Variants in DENND1A observed in about 807,000 individuals in gnomAD.
DENND1A encodes DENN domain-containing protein 1A.
A neutral mutation model predicts 113.7 loss-of-function variants in DENND1A; 51 were observed. The ratio of observed to expected loss-of-function variants is 0.45; its 90% CI spans 0.36 to 0.57. The LOEUF (loss-of-function observed/expected upper bound fraction) is 0.57. Ranked by LOEUF, DENND1A falls within the 20% of genes least tolerant of loss-of-function variation. The pLI is 0.00. For synonymous variants in DENND1A, 565 were observed against 570.8 expected (o/e 0.99, Z 0.14); for missense variants, 1,258 against 1,395.9 (o/e 0.90, Z 1.57).
chr9:123,524,274 A>G (rs2054627273), intron 13 of DENND1A, among the ~76,000 whole-genome samples: 1 of 152,252 alleles, frequency 6.6e-6, no homozygotes, highest in Admixed American at 6.5e-5. Flanking sequence ...TTTGGATAAT[A>G]AACGAATCAT....
At chr9:123,903,392 C>T (rs1303381419) in intron 1 of DENND1A, among the ~76,000 whole-genome samples, 2 of 149,574 alleles carry the variant, frequency 1.3e-5, no homozygotes, top group Non-Finnish European at 2.9e-5. Flanking sequence ...ACAGGAACAG[C>T]CCCGGTATAC....
At chr9:123,820,531 C>G (rs1256894302) in intron 2 of DENND1A, among the ~76,000 whole-genome samples, 1 of 152,146 alleles carries the variant, frequency 6.6e-6, no homozygotes, top group Non-Finnish European at 1.5e-5. Context: ...GGCGAGCTCC[C>G]TGCTGAATGA....
At chr9:123,390,124 C>T (rs767608752) in intron 21 of DENND1A, among the ~76,000 whole-genome samples, 7 of 152,352 alleles carry the variant, frequency 4.6e-5, no homozygotes, top group Admixed American at 2.6e-4. Context: ...TGTGCCTCTT[C>T]GCACTTCATA....
At chr9:123,464,953 A>T (rs2048813382) in intron 13 of DENND1A, among the ~76,000 whole-genome samples, 1 of 139,170 alleles carries the variant, frequency 7.2e-6, no homozygotes. Flanking sequence ...GTTTGAGACC[A>T]GCCTGGCCAA....
Position 123,381,228 on chromosome 9 carries a change from A to T in DENND1A, c.*204T>A. ...GGATGGGCACTCAGGAACTGGGTTGATTCCCAGGCTGGAACTGGTGCCATT... is the reference window on the plus strand; with the variant it reads ...GGATGGGCACTCAGGAACTGGGTTGTTTCCCAGGCTGGAACTGGTGCCATT... On this transcript the variant is annotated 3_prime_UTR_variant, in exon 24 of 24. Transcript: ENST00000394215. This position sits in a 1 kb window ranked among gnomAD's most constrained non-coding sequence, Gnocchi z 4.7. 1.6e-6 allele frequency: 1 copy of T among 614,456 alleles called. No homozygotes were observed. Among genetic ancestry groups the T allele is most frequent in the East Asian group, 2.8e-5 (1 of 35,752 alleles). The allele number at this position is 614,456 out of a possible 1,614,324, so 38.1% of individuals were successfully genotyped here. A position where few individuals can be genotyped will look rare whatever the true frequency, so the allele number is the denominator to read the frequency against.
chr9:123,605,477 C>T (rs1326306322), intron 11 of DENND1A, among the ~76,000 whole-genome samples: 1 of 152,190 alleles, frequency 6.6e-6, no homozygotes, highest in Admixed American at 6.5e-5. Context: ...TTGGGATTTC[C>T]TAGCTGCCAG....
chr9:123,834,012 C>T lies in DENND1A; in HGVS notation c.89-41382G>A, dbSNP rs560945775. On this transcript the variant is annotated intron_variant, in intron 2 of 23. Transcript: ENST00000394215. Reference sequence around the variant, plus strand: ...CGGGGGTTGCAGGAAGCTGAGATCACGCCGCTGCACTCCAGCCTGGCGAAA... The same window carrying T: ...CGGGGGTTGCAGGAAGCTGAGATCATGCCGCTGCACTCCAGCCTGGCGAAA... Among the ~76,000 whole-genome samples, 18 of 152,244 alleles carry T rather than the reference C, an allele frequency of 1.2e-4. No individual in the cohort carries two copies. The East Asian group carries it at 1.5e-3, about 13-fold the overall frequency.
At chr9:123,612,462 C>G (rs2060461339) in intron 10 of DENND1A, among the ~76,000 whole-genome samples, 1 of 152,154 alleles carries the variant, frequency 6.6e-6, no homozygotes, top group South Asian at 2.1e-4. Flanking sequence ...ATTACTTTTT[C>G]TTTTGCATTC....
chr9:123,421,855 C>T (rs562965489), intron 19 of DENND1A, among the ~76,000 whole-genome samples: 2 of 152,318 alleles, frequency 1.3e-5, no homozygotes, highest in African/African-American at 4.8e-5. Context: ...CATCCCTGTC[C>T]CCAGCATGCC....
chr9:123,819,670 T>C (rs1838142977), intron 2 of DENND1A, among the ~76,000 whole-genome samples: 1 of 152,090 alleles, frequency 6.6e-6, no homozygotes, highest in South Asian at 2.1e-4. Context: ...CGCAAGTAGC[T>C]AGGACTACAG....
intron 13 of DENND1A, among the ~76,000 whole-genome samples, chr9:123,520,885 T>G (rs2054337309): frequency 6.6e-6 from 1 of 152,232 alleles, no homozygotes; most frequent in African/African-American, 2.4e-5. Flanking sequence ...TGTAGATTAT[T>G]AAGAGAAAAA....
intron 19 of DENND1A, 36 bp downstream of exon 19, chr9:123,440,324 A>AC: frequency 3.2e-6 from 5 of 1,570,738 alleles, no homozygotes; most frequent in Non-Finnish European, 4.3e-6. Flanking sequence ...ATAAAAAAAA[A>AC]ACAAAACAGA....
chr9:123,826,307 G>T (rs1839321457), intron 2 of DENND1A, among the ~76,000 whole-genome samples: 1 of 152,178 alleles, frequency 6.6e-6, no homozygotes, highest in African/African-American at 2.4e-5. Flanking sequence ...GGAGGCTGGA[G>T]TCAGATGATT....
At chr9:123,418,634 C>T (rs2044954319) in intron 19 of DENND1A, among the ~76,000 whole-genome samples, 1 of 152,168 alleles carries the variant, frequency 6.6e-6, no homozygotes, top group Non-Finnish European at 1.5e-5. Context: ...GTCCCTGCTG[C>T]CTGGGAGCCA....
chr9:123,395,011 C>T (rs1247168156), intron 21 of DENND1A, among the ~76,000 whole-genome samples: 1 of 152,214 alleles, frequency 6.6e-6, no homozygotes, highest in East Asian at 1.9e-4. Flanking sequence ...TGGCTGAATG[C>T]CCAGGCTGCG....
chr9:123,757,405 C>G (rs550537200), intron 5 of DENND1A, among the ~76,000 whole-genome samples: 13 of 152,306 alleles, frequency 8.5e-5, no homozygotes, highest in African/African-American at 3.1e-4. Context: ...TTTCTGACAG[C>G]TCCAGATAAC....
At chr9:123,802,571 C>G (rs1307226024) in intron 2 of DENND1A, among the ~76,000 whole-genome samples, 3 of 2,128 alleles carry the variant, frequency 1.4e-3, no homozygotes, top group Non-Finnish European at 2.2e-3. Context: ...TTGAAATCCC[C>G]TTAGTAATTG....
intron 8 of DENND1A, among the ~76,000 whole-genome samples, 177 bp downstream of exon 8, chr9:123,666,845 CTATT>C (rs1410224656): frequency 2.0e-5 from 3 of 152,194 alleles, no homozygotes; most frequent in East Asian, 1.9e-4. Context: ...CAAATATTCT[CTATT>C]TGTTTTTGTT....
At chr9:123,417,269 G>A (rs950066739) in intron 19 of DENND1A, among the ~76,000 whole-genome samples, 3 of 152,234 alleles carry the variant, frequency 2.0e-5, no homozygotes, top group African/African-American at 7.2e-5. Flanking sequence ...TCCTATGGAC[G>A]TGAGGACCCT....
Sources: gnomAD v4.1 joint callset for allele counts (sites outside exome capture counted in the v4.1 genomes callset) on GRCh38, gnomAD v4.1.1 for gene constraint, Gnocchi (gnomAD v3.1) non-coding constraint, MANE v1.5 for transcripts, NCBI Gene and HGNC (gene_info 2026-07-23, HGNC 2026-07-21) for gene names.